CDH7: variants seen among roughly 807,000 people sequenced by gnomAD.
CDH7 encodes the protein cadherin-7.
In CDH7, 25 loss-of-function variants were observed where a neutral mutation model predicts 71.8. The observed-to-expected ratio is 0.35, with a 90% confidence interval of 0.25 to 0.49. The LOEUF is 0.49. Among genes scored for constraint, CDH7 ranks in the 20% least tolerant of loss-of-function variants. The pLI is 0.99. For synonymous variants in CDH7, 381 were observed against 363.8 expected (o/e 1.05, Z -0.54); for missense variants, 862 against 974.6 (o/e 0.88, Z 1.54).
chr18:65,763,589 AGGGGGGTG>A (rs746074434), intron 2 of CDH7, among the ~76,000 whole-genome samples: 1 of 104,252 alleles, frequency 9.6e-6, no homozygotes, highest in Non-Finnish European at 1.9e-5. Flanking sequence ...TTGTTTTGAT[AGGGGGGTG>A]TGTGTGTGTG....
intron 6 of CDH7, among the ~76,000 whole-genome samples, chr18:65,843,111 C>T (rs745809546): frequency 6.6e-6 from 1 of 152,102 alleles, no homozygotes; most frequent in Admixed American, 6.6e-5. Context: ...AGCTCTCATG[C>T]GGTTTGAGTT....
intron 5 of CDH7, among the ~76,000 whole-genome samples, chr18:65,822,718 A>G (rs1415120500): frequency 1.3e-5 from 2 of 152,076 alleles, no homozygotes; most frequent in Non-Finnish European, 2.9e-5. Context: ...TTTTAAAGCC[A>G]GTTTATACAC....
At chr18:65,773,240 T>C (rs1231755026) in intron 2 of CDH7, among the ~76,000 whole-genome samples, 2 of 152,176 alleles carry the variant, frequency 1.3e-5, no homozygotes, top group Non-Finnish European at 2.9e-5. Flanking sequence ...ATAATTTTGG[T>C]CCTAAAAGAC....
intron 2 of CDH7, among the ~76,000 whole-genome samples, chr18:65,786,418 C>G (rs1396190431): frequency 6.6e-6 from 1 of 152,092 alleles, no homozygotes; most frequent in African/African-American, 2.4e-5. Context: ...ACCGCCCCCC[C>G]AGTTCTTGGA....
At chr18:65,807,210 G>A (rs1377844955) in intron 2 of CDH7, among the ~76,000 whole-genome samples, 1 of 152,126 alleles carries the variant, frequency 6.6e-6, no homozygotes, top group South Asian at 2.1e-4. Context: ...AAGTTCTGAT[G>A]CTGTCAGTAA....
At chr18:65,751,491 G>T (rs749412299) in intron 1 of CDH7, among the ~76,000 whole-genome samples, 2 of 152,200 alleles carry the variant, frequency 1.3e-5, no homozygotes, top group Non-Finnish European at 2.9e-5. Flanking sequence ...TCTCCTCAAA[G>T]AGGACCACAA....
At chr18:65,755,233 A>C (rs2143770420) in intron 1 of CDH7, among the ~76,000 whole-genome samples, 1 of 152,324 alleles carries the variant, frequency 6.6e-6, no homozygotes, top group South Asian at 2.1e-4. Flanking sequence ...TGGATATTGG[A>C]TCAGTACCTA....
chr18:65,758,452 T>C (rs906112011), intron 1 of CDH7, among the ~76,000 whole-genome samples: 1 of 152,182 alleles, frequency 6.6e-6, no homozygotes, highest in African/African-American at 2.4e-5. Context: ...AGTTGGTTAC[T>C]GCCAAAAATA....
intron 11 of CDH7, among the ~76,000 whole-genome samples, chr18:65,877,542 G>A (rs780133003): frequency 9.2e-5 from 14 of 151,952 alleles, no homozygotes; most frequent in Non-Finnish European, 2.1e-4. Flanking sequence ...TACCCTTACT[G>A]ACTCTCATAC....
At chr18:65,793,839 C>T (rs903659260) in intron 2 of CDH7, among the ~76,000 whole-genome samples, 6 of 151,992 alleles carry the variant, frequency 3.9e-5, no homozygotes, top group African/African-American at 7.2e-5. Context: ...TTCATGTGCT[C>T]GTAAGGAGCA....
chr18:65,778,237 A>G (rs1910025626), intron 2 of CDH7, among the ~76,000 whole-genome samples: 1 of 140,572 alleles, frequency 7.1e-6, no homozygotes, highest in Non-Finnish European at 1.5e-5. Flanking sequence ...ATGCTACTGC[A>G]CTCCAGCATG....
chr18:65,806,559 A>G (rs1003488217), intron 2 of CDH7, among the ~76,000 whole-genome samples: 1 of 152,106 alleles, frequency 6.6e-6, no homozygotes, highest in African/African-American at 2.4e-5. Context: ...ACCATTTTAT[A>G]GGATCATAGT....
At chr18:65,800,784 A>G (rs2143882183) in intron 2 of CDH7, among the ~76,000 whole-genome samples, 1 of 152,250 alleles carries the variant, frequency 6.6e-6, no homozygotes, top group South Asian at 2.1e-4. Flanking sequence ...GCCAAAATTA[A>G]TTATTCTGTA....
chr18:65,804,826 G>A (rs752545751), intron 2 of CDH7, among the ~76,000 whole-genome samples: 12 of 151,938 alleles, frequency 7.9e-5, no homozygotes, highest in Non-Finnish European at 1.5e-4. Context: ...TGTCTCCTGG[G>A]GAACATAAAC....
chr18:65,756,156 T>G (rs996252977), intron 1 of CDH7, among the ~76,000 whole-genome samples: 2 of 152,214 alleles, frequency 1.3e-5, no homozygotes, highest in African/African-American at 4.8e-5. Flanking sequence ...TGCTGCTGCC[T>G]AAATGTAGTT....
chr18:65,829,850 T>G (rs758027757), intron 6 of CDH7, among the ~76,000 whole-genome samples: 1 of 150,966 alleles, frequency 6.6e-6, no homozygotes, highest in Non-Finnish European at 1.5e-5. Context: ...AATCATGGAA[T>G]GTAGATGTCC....
At chr18:65,869,898 A>G (rs994485381) in intron 11 of CDH7, among the ~76,000 whole-genome samples, 3 of 152,092 alleles carry the variant, frequency 2.0e-5, no homozygotes, top group African/African-American at 2.4e-5. Context: ...TTTATTACCC[A>G]TAGGATTATC....
intron 2 of CDH7, among the ~76,000 whole-genome samples, chr18:65,784,819 T>C (rs775037544): frequency 1.5e-4 from 23 of 152,322 alleles, no homozygotes; most frequent in Non-Finnish European, 2.6e-4. Context: ...TGTCGAGAAG[T>C]TCTGCGTAGC....
intron 7 of CDH7, among the ~76,000 whole-genome samples, chr18:65,846,564 A>G (rs574371057): frequency 3.5e-4 from 53 of 152,302 alleles, no homozygotes; most frequent in African/African-American, 1.3e-3. Context: ...ACAATTATTT[A>G]TACCTTTTTA....
Sources: allele counts gnomAD v4.1 joint callset (sites outside exome capture counted in the v4.1 genomes callset), GRCh38; gene constraint gnomAD v4.1.1; transcripts MANE v1.5; gene names NCBI Gene and HGNC (gene_info 2026-07-23, HGNC 2026-07-21).